WRAP73: variants seen among roughly 807,000 people sequenced by gnomAD.
WRAP73 encodes the protein WD repeat containing, antisense to TP73.
WRAP73 carries 55 observed loss-of-function variants against 59.6 expected under a neutral mutation model. The observed-to-expected ratio is 0.92, with a 90% confidence interval of 0.74 to 1.15. WRAP73 has a LOEUF of 1.15. WRAP73 is among the 50% of genes most tolerant of loss of function. The pLI is 0.00. For synonymous variants in WRAP73, 265 were observed against 258.2 expected (o/e 1.03, Z -0.25); for missense variants, 592 against 608.1 (o/e 0.97, Z 0.28).
chr1:3,637,007 C>G lies in WRAP73; in HGVS notation c.504G>C (p.Trp168Cys). ...DYVSIFVCSD[W>C]QLLRHFDTDT... ...GGGGACGCCTTACCCGCAGGAGCTGCCAATCACTGCAGACGAAGATGCTCA... is the reference window on the plus strand; with the variant it reads ...GGGGACGCCTTACCCGCAGGAGCTGGCAATCACTGCAGACGAAGATGCTCA... The change falls in exon 5 of 12, where the codon TGG becomes TGC. Residue 168 changes from tryptophan (W) to cysteine (C), a missense_variant. Physicochemically the swap from Trp to Cys is radical, Grantham distance 215 (BLOSUM62 -2). Coordinates refer to ENST00000270708, the MANE Select transcript of WRAP73 (RefSeq NM_017818.4). The G allele has an allele frequency of 6.2e-7, 1 of 1,613,748 alleles. No homozygotes were observed. The highest frequency in any genetic ancestry group is 8.5e-7 in the Non-Finnish European group (1 of 1,179,978).
intron 10 of WRAP73, 24 bp from the exon 11 acceptor site, chr1:3,631,681 C>T (rs1268507145): frequency 6.4e-6 from 10 of 1,570,518 alleles, no homozygotes; most frequent in East Asian, 4.5e-5. Flanking sequence ...GACAGGGCAC[C>T]GGTGTCATCC....
intron 1 of WRAP73, among the ~76,000 whole-genome samples, 187 bp downstream of exon 1, chr1:3,649,744 C>A (rs966980393): frequency 3.3e-5 from 5 of 151,682 alleles, no homozygotes; most frequent in Non-Finnish European, 5.9e-5. Flanking sequence ...GGGTCCCGCA[C>A]CTGTCTGGGG....
rs781572798 is a variant in WRAP73, at chr1:3,650,025, C to A, written c.-26G>T. On this transcript the variant is annotated 5_prime_UTR_variant, in exon 1 of 12. Transcript: ENST00000270708. Reference sequence around the variant, plus strand: ...GGCCGCCGCCTGCCGCGGGCGCCACCCTGCGCCCGAAAACCCGCGGGACCC... The same window carrying A: ...GGCCGCCGCCTGCCGCGGGCGCCACACTGCGCCCGAAAACCCGCGGGACCC... 1 of 1,579,002 alleles carries A rather than the reference C, an allele frequency of 6.3e-7. No homozygotes were observed.
intron 10 of WRAP73, 42 bp from the exon 11 acceptor site, chr1:3,631,699 G>A (rs1463233248): frequency 1.3e-6 from 2 of 1,556,958 alleles, no homozygotes; most frequent in African/African-American, 1.3e-5. Context: ...TCCCTGCCTG[G>A]CTCCTCTGTG....
rs1419914486 is a variant in WRAP73, at chr1:3,639,416, T to C, written c.340-594A>G. 2.6e-5 allele frequency: 4 copies of C among 152,862 alleles called. No individual in the cohort carries two copies. The South Asian group carries it at 8.2e-4, about 31-fold the overall frequency. The allele number at this position is 152,862 out of a possible 1,614,324, so 9.5% of individuals were successfully genotyped here. A position where few individuals can be genotyped will look rare whatever the true frequency, so the allele number is the denominator to read the frequency against. ...CACCCCTTTCCCTGACTCAGGGAGC[T>C]GAGAGCTGACTAGGCTGGCACAGTG... On this transcript the variant is annotated intron_variant, in intron 3 of 11. Transcript: ENST00000270708. The surrounding 1 kb of genome is among the most constrained non-coding windows in gnomAD (Gnocchi z 4.3).
At position 3,635,922 on chromosome 1, in the gene WRAP73, T is replaced by C. The variant is rs766837133; in HGVS notation, c.603+22A>G. On this transcript the variant is annotated intron_variant, in intron 6 of 11. Transcript: ENST00000270708. The stretch of plus-strand genomic sequence containing the variant: ...CGGGAAAAGCTCTCGAAAGCAAACA[T>C]GTCACCTGGTCATCTTCATACCTCC... 5 of 1,605,808 alleles carry C rather than the reference T, an allele frequency of 3.1e-6. No individual in the cohort carries two copies. In the South Asian group the frequency reaches 5.5e-5, roughly 18 times the overall value.
chr1:3,647,609 G>A (rs1167150713), intron 1 of WRAP73, 49 bp from the exon 2 acceptor site: 2 of 1,589,748 alleles, frequency 1.3e-6, no homozygotes, highest in African/African-American at 2.7e-5. Flanking sequence ...CTCCAAAAGA[G>A]GGGGGCCTTC....
intron 5 of WRAP73, chr1:3,636,467 C>G: frequency 3.2e-6 from 1 of 308,758 alleles, no homozygotes; most frequent in South Asian, 2.9e-5. Flanking sequence ...CCTTGCCTGG[C>G]CAGGCTCACT....
In WRAP73 at chr1:3,632,397, C is replaced by CT. The variant is rs150544518; in HGVS notation, c.923-60dup. ...ACCCTTTCGGGAAGTACGCACGCGG[C>CT]TGAGAGGCTGCTGTGCCTGCATCGG... On this transcript the variant is annotated intron_variant, in intron 9 of 11. Transcript: ENST00000270708. 2.1e-3 allele frequency: 3,378 copies of CT among 1,612,348 alleles called. 87 individuals are homozygous for CT. The African/African-American group carries it at 0.041, about 20-fold the overall frequency.
chr1:3,634,682 C>CA (rs1644572652), intron 8 of WRAP73: 2 of 370,304 alleles, frequency 5.4e-6, no homozygotes, highest in East Asian at 1.2e-4. Flanking sequence ...TGTTTGGGGG[C>CA]AGGAGACCCT....
intron 3 of WRAP73, among the ~76,000 whole-genome samples, chr1:3,641,983 C>T (rs1350240213): frequency 6.6e-6 from 1 of 152,222 alleles, no homozygotes; most frequent in Non-Finnish European, 1.5e-5. Context: ...TACTTTACAA[C>T]AAAAGGCCTG....
rs76008084 is a variant in WRAP73, at chr1:3,642,662, G to T, written c.340-3840C>A. Among the ~76,000 whole-genome samples, 887 of 151,380 alleles carry T rather than the reference G, an allele frequency of 5.9e-3. 9 individuals are homozygous for T. Among genetic ancestry groups the T allele is most frequent in the African/African-American group, 0.019 (771 of 41,206 alleles). On this transcript the variant is annotated intron_variant, in intron 3 of 11. Coordinates refer to ENST00000270708, the MANE Select transcript of WRAP73 (RefSeq NM_017818.4). ...TGAGGCAGGAAAATCGCTTGAACCT[G>T]GGAGGCGTAGGTTGCGGTGAGCTTG...
Position 3,631,882 on chromosome 1 carries a change from G to GGT in WRAP73, c.1049-227_1049-226dup, listed in dbSNP as rs1434363366. On this transcript the variant is annotated intron_variant, in intron 10 of 11. Coordinates refer to ENST00000270708, the MANE Select transcript of WRAP73 (RefSeq NM_017818.4). ...GGGGCCCAAATGTGTTTCTTTCTTT[G>GGT]GTATTTTTTTTTTTTTTTTAGCCCT... 5.6e-3 allele frequency: 7,553 copies of GGT among 1,339,568 alleles called. 136 individuals carry two copies. In the African/African-American group the frequency reaches 0.076, roughly 14 times the overall value. The allele number at this position is 1,339,568 out of a possible 1,614,324, so 83.0% of individuals were successfully genotyped here.
At chr1:3,643,072 C>T (rs1327036730) in intron 3 of WRAP73, among the ~76,000 whole-genome samples, 1 of 152,226 alleles carries the variant, frequency 6.6e-6, no homozygotes, top group Non-Finnish European at 1.5e-5. Flanking sequence ...AACACGTTCA[C>T]AGCCACACCG....
rs781687475 is a variant in WRAP73, at chr1:3,646,657, G to C, written c.339+9C>G. 1.3e-6 allele frequency: 2 copies of C among 1,589,480 alleles called. No homozygotes were observed. On this transcript the variant is annotated intron_variant, in intron 3 of 11. Transcript: ENST00000270708. This position sits in a 1 kb window ranked among gnomAD's most constrained non-coding sequence, Gnocchi z 5.1. ...ATGGCCAGTAAGGTGTCTTGGGGCT[G>C]ACACTTACATGGAATTCCGTGGTGT...
rs1329927684 is a variant in WRAP73, at chr1:3,631,516, A to G, written c.1190T>C (p.Leu397Pro). 2.5e-6 allele frequency: 4 copies of G among 1,610,036 alleles called. No individual in the cohort carries two copies. The highest frequency in any genetic ancestry group is 3.4e-6 in the Non-Finnish European group (4 of 1,178,772). ...RLAICTGGSRLYLWSPAGCMS... is the reference protein window; with the variant it reads ...RLAICTGGSRPYLWSPAGCMS... ...GCAGCCCGCTGGGGACCACAGGTAG[A>G]GCCTGCTGCCTCCCGTGCAGATGGC... Residue 397 changes from leucine to proline, a missense_variant, in exon 11 of 12, where the codon CTC (leucine) becomes CCC (proline). Physicochemically the swap from Leu to Pro is moderately conservative, Grantham distance 98 (BLOSUM62 -3). Transcript: ENST00000270708.
chr1:3,641,841 G>A (rs1644649131), intron 3 of WRAP73, among the ~76,000 whole-genome samples: 1 of 152,182 alleles, frequency 6.6e-6, no homozygotes, highest in South Asian at 2.1e-4. Context: ...TAAGGATGCA[G>A]AAATGTAGAA....
intron 4 of WRAP73, among the ~76,000 whole-genome samples, chr1:3,637,980 C>T (rs1027227258): frequency 6.6e-6 from 1 of 152,230 alleles, no homozygotes; most frequent in African/African-American, 2.4e-5. Context: ...GACGAAACCA[C>T]GGTGTCCACT....
intron 9 of WRAP73, chr1:3,633,195 C>T (rs1644555493): frequency 5.2e-6 from 3 of 571,804 alleles, no homozygotes; most frequent in African/African-American, 1.9e-5. Context: ...TATTCAGTAA[C>T]AGAAGCCGCA....
Sources: allele counts gnomAD v4.1 joint callset (sites outside exome capture counted in the v4.1 genomes callset), GRCh38; gene constraint gnomAD v4.1.1; non-coding constraint Gnocchi (gnomAD v3.1); transcripts MANE v1.5; gene names NCBI Gene and HGNC (gene_info 2026-07-23, HGNC 2026-07-21).